Variants in ANK2 observed in about 807,000 individuals in gnomAD.
The protein encoded by ANK2 is ankyrin-2.
A neutral mutation model predicts 360.5 loss-of-function variants in ANK2; 83 were observed. The observed-to-expected ratio is 0.23, with a 90% CI of 0.19 to 0.28. The LOEUF (loss-of-function observed/expected upper bound fraction) is 0.28. ANK2 is among the 10% of genes least tolerant of loss of function. The pLI is 1.00. For synonymous variants in ANK2, 1,740 were observed against 1,759.5 expected (o/e 0.99, Z 0.28); for missense variants, 4,201 against 4,795.7 (o/e 0.88, Z 3.66).
Position 113,353,765 on chromosome 4 carries a change from A to T in ANK2, c.5147A>T (p.Glu1716Val). The T allele has an allele frequency of 6.2e-7, 1 of 1,613,922 alleles. No homozygotes were observed. The highest frequency in any genetic ancestry group is 8.5e-7 in the Non-Finnish European group (1 of 1,179,970). The change falls in exon 38 of 46, where the codon GAG (glutamate) becomes GTG (valine). Residue 1716 changes from glutamate (E) to valine (V), a missense_variant. Glu to Val is a moderately radical substitution (Grantham distance 121). This residue lies in a region of ANK2 where 2,642 missense variants were observed against 2,714.5 expected (regional missense o/e 0.97). Transcript: ENST00000357077. ...TTAAAAGAAAAGCAGAAACAAAAAG[A>T]GGAAGGTTTACAAGCTAGTGCAGAG... Reference protein sequence around the residue: ...RKLKEKQKQKEEGLQASAEKA... With the variant: ...RKLKEKQKQKVEGLQASAEKA...
intron 8 of ANK2, among the ~76,000 whole-genome samples, 164 bp downstream of exon 8, chr4:113,240,747 A>G (rs2039328324): frequency 6.6e-6 from 1 of 152,214 alleles, no homozygotes; most frequent in Admixed American, 6.5e-5. Flanking sequence ...AATCACAAGA[A>G]GTCATCTTGG....
chr4:113,283,169 C>T (rs563630718), intron 18 of ANK2, among the ~76,000 whole-genome samples: 1 of 152,296 alleles, frequency 6.6e-6, no homozygotes, highest in Non-Finnish European at 1.5e-5. Context: ...TCTAAAGAGG[C>T]TACCCTGTAG....
At chr4:112,970,736 T>G (rs2154266016) in intron 2 of ANK2, among the ~76,000 whole-genome samples, 1 of 152,150 alleles carries the variant, frequency 6.6e-6, no homozygotes, top group Admixed American at 6.5e-5. Flanking sequence ...AGTACAAAAT[T>G]TCAGTTAGAC....
At chr4:112,967,635 CA>C (rs1215743542) in intron 2 of ANK2, among the ~76,000 whole-genome samples, 9 of 152,118 alleles carry the variant, frequency 5.9e-5, no homozygotes, top group Admixed American at 1.3e-4. Flanking sequence ...TGTAGTAAGT[CA>C]AAAGCGTTAA....
chr4:113,106,223 A>G lies in ANK2; in HGVS notation c.84+56411A>G, dbSNP rs73841217. Among the ~76,000 whole-genome samples the G allele has an allele frequency of 3.6e-3, 549 of 152,308 alleles. 7 individuals carry two copies. The highest frequency in any genetic ancestry group is 0.013 in the African/African-American group (528 of 41,574). On this transcript the variant is annotated intron_variant, in intron 1 of 45. Transcript: ENST00000357077. ...ACCTTATGAAGACTTTTAAATCCTC[A>G]AATAGTACTTCAGAGCAACTGGATT...
At chr4:112,931,428 CTTTT>C (rs2093215727) in intron 2 of ANK2, among the ~76,000 whole-genome samples, 1 of 114,004 alleles carries the variant, frequency 8.8e-6, no homozygotes, top group Non-Finnish European at 1.9e-5. Flanking sequence ...AGATTTCTTT[CTTTT>C]CTTTTTTTTT....
rs74590862 is a variant in ANK2, at chr4:113,156,996, G to C, written c.85-17420G>C. ...GTAAGAGCAAAAAAGGCATGAAAGG[G>C]CATAGACATTTTGTAGTTTTATACA... On this transcript the variant is annotated intron_variant, in intron 1 of 45. Coordinates refer to ENST00000357077, the MANE Select transcript of ANK2 (RefSeq NM_001148.6). Among the ~76,000 whole-genome samples, 1,312 of 151,966 alleles carry C rather than the reference G, an allele frequency of 8.6e-3. 13 individuals carry two copies. Among genetic ancestry groups the C allele is most frequent in the Middle Eastern group, 0.034 (10 of 294 alleles).
rs1564011730 is a variant in ANK2, at chr4:113,355,244, G to T, written c.6626G>T (p.Gly2209Val). Reference sequence around the variant, plus strand: ...AGTTCTGAAAGCCTAAAGAATGAGGGGGTAGCCGGCTCTCCGTGTGGCAGC... The same window carrying T: ...AGTTCTGAAAGCCTAAAGAATGAGGTGGTAGCCGGCTCTCCGTGTGGCAGC... ...DGSSESLKNE[G>V]VAGSPCGSLM... The change falls in exon 38 of 46, where the codon GGG (glycine) becomes GTG (valine). Residue 2209 changes from glycine (G) to valine (V), a missense_variant. By Grantham distance (109) the Gly-to-Val change is moderately radical. Around this residue, in one of 4 missense-constraint regions of ANK2, gnomAD observed 2,642 missense variants for 2,714.5 expected, o/e 0.97. Coordinates refer to ENST00000357077, the MANE Select transcript of ANK2 (RefSeq NM_001148.6). 6.2e-7 allele frequency: 1 copy of T among 1,614,102 alleles called. No individual in the cohort carries two copies. The highest frequency in any genetic ancestry group is 1.7e-5 in the Admixed American group (1 of 60,018).
chr4:112,990,701 TC>T (rs912415581), intron 2 of ANK2, among the ~76,000 whole-genome samples: 18 of 152,198 alleles, frequency 1.2e-4, no homozygotes, highest in Admixed American at 4.6e-4. Context: ...ATGTAAATCT[TC>T]TACCTTTATC....
At chr4:113,191,671 A>T (rs896593792) in intron 2 of ANK2, among the ~76,000 whole-genome samples, 14 of 152,208 alleles carry the variant, frequency 9.2e-5, no homozygotes, top group Non-Finnish European at 1.6e-4. Context: ...GTTTGCATGT[A>T]ACTGGGAAAT....
intron 1 of ANK2, among the ~76,000 whole-genome samples, chr4:113,053,709 T>C (rs945670357): frequency 6.6e-6 from 1 of 152,192 alleles, no homozygotes; most frequent in Non-Finnish European, 1.5e-5. Flanking sequence ...TCTTCCTGCC[T>C]CAGCCTCCCT....
chr4:113,029,707 C>T (rs1367956474), intron 2 of ANK2, among the ~76,000 whole-genome samples: 1 of 151,990 alleles, frequency 6.6e-6, no homozygotes, highest in Non-Finnish European at 1.5e-5. Flanking sequence ...CCGACCTATT[C>T]GTCTCTTCTT....
the ANK2 span, among the ~76,000 whole-genome samples, chr4:112,765,464 A>C: frequency 1.3e-5 from 2 of 151,998 alleles, no homozygotes; most frequent in Non-Finnish European, 2.9e-5. Flanking sequence ...GCTCTATTTC[A>C]CTGTTAGCTT....
chr4:113,363,191 TAA>T (rs1206449766), intron 39 of ANK2, 145 bp from the exon 40 acceptor site: 12 of 764,746 alleles, frequency 1.6e-5, no homozygotes, highest in Non-Finnish European at 2.5e-5. Flanking sequence ...CAAAGGCATA[TAA>T]GAGTCACTTC....
chr4:112,755,793 T>C, the ANK2 span: 2 of 169,696 alleles, frequency 1.2e-5, no homozygotes, highest in Admixed American at 6.3e-5. Context: ...AATAATAATA[T>C]AAATGTTTTC....
chr4:112,974,343 A>G (rs915518600), intron 2 of ANK2, among the ~76,000 whole-genome samples: 1 of 152,214 alleles, frequency 6.6e-6, no homozygotes, highest in Admixed American at 6.5e-5. Flanking sequence ...TCCTGTGTCT[A>G]ATGTAAAGAG....
intron 2 of ANK2, chr4:113,033,848 A>C (rs1393234201): frequency 1.3e-5 from 2 of 151,908 alleles, no homozygotes; most frequent in Non-Finnish European, 2.9e-5. Context: ...ACATTGCCTC[A>C]CTCCTACACC....
intron 2 of ANK2, among the ~76,000 whole-genome samples, chr4:112,967,479 T>G (rs1480457786): frequency 2.6e-5 from 4 of 152,192 alleles, no homozygotes; most frequent in African/African-American, 7.2e-5. Context: ...CATTGTTCGA[T>G]AATCAAAATA....
At chr4:112,889,524 C>CT (rs2150615292) in intron 1 of ANK2, among the ~76,000 whole-genome samples, 1 of 151,282 alleles carries the variant, frequency 6.6e-6, no homozygotes, top group African/African-American at 2.4e-5. Flanking sequence ...TTTTTTGATG[C>CT]TTTTTTAAAA....
Sources: gnomAD v4.1 joint callset for allele counts (sites outside exome capture counted in the v4.1 genomes callset) on GRCh38, gnomAD v4.1.1 for gene constraint, gnomAD v4.1.1 regional missense constraint, MANE v1.5 for transcripts, NCBI Gene and HGNC (gene_info 2026-07-23, HGNC 2026-07-21) for gene names.